SLC25A26: variants seen among roughly 807,000 people sequenced by gnomAD.
The protein encoded by SLC25A26 is mitochondrial S-adenosylmethionine carrier protein.
SLC25A26 carries 36 observed loss-of-function variants against 37.8 expected under a neutral mutation model. That is an observed-to-expected ratio of 0.95 (90% CI 0.73 to 1.26). The LOEUF is 1.26. SLC25A26 is among the 50% of genes most tolerant of loss of function. The probability of loss-of-function intolerance (pLI) is 0.00; values close to 1 mark genes in which losing one functional copy is unlikely to be tolerated. For synonymous variants in SLC25A26, 129 were observed against 122.5 expected, an observed-to-expected ratio of 1.05 and a Z score of -0.35; for missense variants, 390 against 331.1, an observed-to-expected ratio of 1.18 and a Z score of -1.38.
chr3:66,173,428 T>A (rs1183671091), intron 1 of SLC25A26, among the ~76,000 whole-genome samples: 1 of 152,170 alleles, frequency 6.6e-6, no homozygotes, highest in South Asian at 2.1e-4. Flanking sequence ...CACTACAGTC[T>A]TGTAGGTAAT....
chr3:66,335,164 C>T (rs1055372801), intron 5 of SLC25A26, among the ~76,000 whole-genome samples: 5 of 152,130 alleles, frequency 3.3e-5, no homozygotes, highest in Non-Finnish European at 5.9e-5. Context: ...TATTAAATGC[C>T]CTAAATTCTG....
intron 1 of SLC25A26, among the ~76,000 whole-genome samples, chr3:66,184,511 T>C (rs1359564159): frequency 1.6e-5 from 1 of 64,442 alleles, no homozygotes; most frequent in African/African-American, 7.0e-5. Flanking sequence ...CAAATGATTC[T>C]ACTTCACCAC....
At chr3:66,377,581 A>C in intron 9 of SLC25A26, 109 bp from the exon 10 acceptor site, 2 of 767,340 alleles carry the variant, frequency 2.6e-6, no homozygotes, top group Non-Finnish European at 4.4e-6. Context: ...GCTGTTTGGT[A>C]GTTAGCCACT....
At chr3:66,271,111 C>T (rs79693980) in intron 5 of SLC25A26, among the ~76,000 whole-genome samples, 1,685 of 152,242 alleles carry the variant, frequency 0.011, 32 homozygotes, top group African/African-American at 0.039. Flanking sequence ...TTTATTTAAA[C>T]GTTGTGACCA....
intron 1 of SLC25A26, among the ~76,000 whole-genome samples, chr3:66,167,104 T>C (rs563477609): frequency 1.3e-5 from 2 of 152,338 alleles, no homozygotes; most frequent in African/African-American, 4.8e-5. Context: ...ATTAAATCTC[T>C]TTTTCCTTAT....
chr3:66,374,442 C>G (rs560931601), intron 9 of SLC25A26, among the ~76,000 whole-genome samples: 1 of 152,188 alleles, frequency 6.6e-6, no homozygotes, highest in Non-Finnish European at 1.5e-5. Flanking sequence ...GGTGTGGGTT[C>G]GGGCTGTGTC....
chr3:66,351,849 C>G (rs910968195), intron 6 of SLC25A26, among the ~76,000 whole-genome samples: 2 of 152,198 alleles, frequency 1.3e-5, no homozygotes, highest in Non-Finnish European at 2.9e-5. Flanking sequence ...AAGCCTCTAA[C>G]ACCCCTTGTT....
intron 1 of SLC25A26, among the ~76,000 whole-genome samples, chr3:66,163,147 A>G (rs2070382792): frequency 6.6e-6 from 1 of 152,190 alleles, no homozygotes; most frequent in African/African-American, 2.4e-5. Context: ...AAAAGCTGCT[A>G]TTTGAGAGGC....
chr3:66,182,716 C>CGGGGGGG (rs539207365), intron 1 of SLC25A26, among the ~76,000 whole-genome samples: 1 of 87,540 alleles, frequency 1.1e-5, no homozygotes, highest in African/African-American at 4.7e-5. Flanking sequence ...CAGTGGGCGG[C>CGGGGGGG]GGGGGGGGGG....
intron 9 of SLC25A26, among the ~76,000 whole-genome samples, chr3:66,373,803 A>T (rs79395709): frequency 0.042 from 6,420 of 152,126 alleles, 462 homozygotes; most frequent in African/African-American, 0.14. Flanking sequence ...ATAGCTAGCT[A>T]ACTAAAAAGG....
intron 1 of SLC25A26, among the ~76,000 whole-genome samples, chr3:66,193,249 C>T (rs2070979895): frequency 6.6e-6 from 1 of 152,044 alleles, no homozygotes; most frequent in Non-Finnish European, 1.5e-5. Flanking sequence ...ATATCCTTTA[C>T]TACAATTTGT....
chr3:66,346,309 G>T, intron 5 of SLC25A26, 55 bp from the exon 6 acceptor site: 1 of 898,858 alleles, frequency 1.1e-6, no homozygotes, highest in South Asian at 1.8e-5. Context: ...TAGTCATACA[G>T]GCAAACTTGG....
At chr3:66,173,828 G>A (rs2070535176) in intron 1 of SLC25A26, among the ~76,000 whole-genome samples, 1 of 152,096 alleles carries the variant, frequency 6.6e-6, no homozygotes, top group African/African-American at 2.4e-5. Flanking sequence ...CAAGGTGGGT[G>A]GATCACAAGG....
intron 5 of SLC25A26, among the ~76,000 whole-genome samples, chr3:66,332,908 G>T (rs927758389): frequency 1.3e-5 from 2 of 152,162 alleles, no homozygotes; most frequent in African/African-American, 4.8e-5. Flanking sequence ...TATGACATAT[G>T]TGGGTGGTGT....
chr3:66,258,113 A>G (rs150840554), intron 3 of SLC25A26, among the ~76,000 whole-genome samples: 55 of 152,254 alleles, frequency 3.6e-4, no homozygotes, highest in Non-Finnish European at 6.3e-4. Flanking sequence ...TTTGTGTCTC[A>G]TGTTCCTAAC....
In SLC25A26 at chr3:66,144,437, T is replaced by A. The variant is rs80063184; in HGVS notation, c.-354+10453T>A. ...GTGAGCATGATATAGCACACTGGTG[T>A]TCCCCAAGCACTTCTCAGTTAGGGC... On this transcript the variant is annotated intron_variant, in intron 1 of 10. Coordinates refer to the SLC25A26 transcript ENST00000676754. Among the ~76,000 whole-genome samples the A allele has an allele frequency of 6.7e-3, 1,027 of 152,310 alleles. 18 individuals are homozygous for A. The highest frequency in any genetic ancestry group is 0.024 in the African/African-American group (988 of 41,562).
chr3:66,228,717 G>A (rs532221777), intron 1 of SLC25A26, among the ~76,000 whole-genome samples: 1 of 152,272 alleles, frequency 6.6e-6, no homozygotes, highest in Non-Finnish European at 1.5e-5. Flanking sequence ...CACTTTAAAA[G>A]TGCTTATGCA....
At chr3:66,243,372 A>T in intron 3 of SLC25A26, 60 bp downstream of exon 3, 1 of 787,202 alleles carries the variant, frequency 1.3e-6, no homozygotes, top group Non-Finnish European at 2.1e-6. Context: ...ATATATTTTC[A>T]GTACATATTT....
Position 66,203,669 on chromosome 3 carries a change from G to C in SLC25A26, c.-353-17073G>C, listed in dbSNP as rs967524322. 2.6e-3 allele frequency among the ~76,000 whole-genome samples: 401 copies of C among 152,108 alleles called. 5 individuals carry two copies. Among genetic ancestry groups the C allele is most frequent in the Middle Eastern group, 6.8e-3 (2 of 294 alleles). ...CCTTTGGGTGTCCCTTATGTCTAGA[G>C]AAAAAAAGAAAAGACTGCTTACTTT... On this transcript the variant is annotated intron_variant, in intron 1 of 10. Transcript: ENST00000676754.
Sources: allele counts gnomAD v4.1 joint callset (sites outside exome capture counted in the v4.1 genomes callset), GRCh38; gene constraint gnomAD v4.1.1; transcripts MANE v1.5; gene names NCBI Gene and HGNC (gene_info 2026-07-23, HGNC 2026-07-21).